The following TMEM132D variants were observed in gnomAD, a reference collection of about 807,000 sequenced individuals.
The protein encoded by TMEM132D is transmembrane protein 132D.
TMEM132D carries 21 observed loss-of-function variants against 62.3 expected under a neutral mutation model. That is an observed-to-expected ratio of 0.34 (90% CI 0.24 to 0.49). The LOEUF is 0.49. Ranked by LOEUF, TMEM132D falls within the 20% of genes least tolerant of loss-of-function variation. The pLI is 0.99. For missense variants in TMEM132D, 1,346 were observed against 1,402.8 expected (o/e 0.96, Z 0.65); for synonymous variants, 621 against 575.6 (o/e 1.08, Z -1.13).
chr12:129,338,464 A>G (rs891824737), intron 3 of TMEM132D, among the ~76,000 whole-genome samples: 1 of 152,192 alleles, frequency 6.6e-6, no homozygotes, highest in African/African-American at 2.4e-5. Flanking sequence ...AAACAAATCC[A>G]CCTAGGACTT....
intron 5 of TMEM132D, among the ~76,000 whole-genome samples, chr12:129,203,322 T>A (rs1417761064): frequency 6.6e-6 from 1 of 152,244 alleles, no homozygotes; most frequent in Non-Finnish European, 1.5e-5. Flanking sequence ...TTCCCTAATT[T>A]GTGAATCATT....
intron 1 of TMEM132D, among the ~76,000 whole-genome samples, chr12:129,891,048 G>A (rs1013482459): frequency 1.3e-5 from 2 of 152,000 alleles, no homozygotes; most frequent in Admixed American, 6.6e-5. Flanking sequence ...TGATAACAGC[G>A]ACGCCCAAAC....
intron 3 of TMEM132D, among the ~76,000 whole-genome samples, chr12:129,484,840 A>G (rs1361088339): frequency 6.6e-6 from 1 of 152,248 alleles, no homozygotes; most frequent in East Asian, 1.9e-4. Context: ...AGAATTCAAA[A>G]CATTAAGAAT....
At chr12:129,808,593 A>C (rs1049237457) in intron 1 of TMEM132D, among the ~76,000 whole-genome samples, 1 of 152,240 alleles carries the variant, frequency 6.6e-6, no homozygotes, top group Non-Finnish European at 1.5e-5. Context: ...AAACGTATAA[A>C]GCAACAGCTG....
chr12:129,382,490 G>T (rs1396281097), intron 3 of TMEM132D, among the ~76,000 whole-genome samples: 1 of 152,208 alleles, frequency 6.6e-6, no homozygotes, highest in Non-Finnish European at 1.5e-5. Flanking sequence ...TGGCTTTTAG[G>T]TAGGTGGTTT....
At chr12:129,686,981 T>C (rs967111204) in intron 2 of TMEM132D, among the ~76,000 whole-genome samples, 6 of 152,210 alleles carry the variant, frequency 3.9e-5, no homozygotes, top group African/African-American at 1.2e-4. Flanking sequence ...AAAATCTCAC[T>C]GCGCTAGCCT....
At chr12:129,422,395 T>C (rs1872354413) in intron 3 of TMEM132D, among the ~76,000 whole-genome samples, 1 of 152,156 alleles carries the variant, frequency 6.6e-6, no homozygotes, top group African/African-American at 2.4e-5. Context: ...GCAGAGGATG[T>C]CAATGGGCAA....
At chr12:129,308,685 A>G (rs1881899506) in intron 4 of TMEM132D, among the ~76,000 whole-genome samples, 1 of 152,234 alleles carries the variant, frequency 6.6e-6, no homozygotes, top group Admixed American at 6.5e-5. Context: ...CTAAAACACA[A>G]TAAATAGCAC....
At chr12:129,405,748 G>A (rs1871764982) in intron 3 of TMEM132D, among the ~76,000 whole-genome samples, 1 of 152,148 alleles carries the variant, frequency 6.6e-6, no homozygotes, top group Non-Finnish European at 1.5e-5. Flanking sequence ...AGAAGAGATG[G>A]AGGATTTCAT....
rs147374896 is a variant in TMEM132D, at chr12:129,163,939, C to T, written c.1443+45581G>A. ...AAGAGAAACACTGAGATGTCCCAGC[C>T]GGATGGAAGTTGATACCAAATTATT... On this transcript the variant is annotated intron_variant, in intron 5 of 8. Transcript: ENST00000422113. 2.4e-3 allele frequency among the ~76,000 whole-genome samples: 373 copies of T among 152,336 alleles called. 4 individuals carry two copies. Among genetic ancestry groups the T allele is most frequent in the South Asian group, 6.2e-3 (30 of 4,826 alleles).
At chr12:129,742,144 C>A (rs1429396536) in intron 1 of TMEM132D, among the ~76,000 whole-genome samples, 1 of 152,190 alleles carries the variant, frequency 6.6e-6, no homozygotes, top group East Asian at 1.9e-4. Flanking sequence ...TTTTAAGGTT[C>A]AAATACTAAA....
In TMEM132D at chr12:129,195,272, A is replaced by T. The variant is rs1257935934; in HGVS notation, c.1443+14248T>A. Among the ~76,000 whole-genome samples, 11 of 152,068 alleles carry T rather than the reference A, an allele frequency of 7.2e-5. No individual in the cohort carries two copies. In the East Asian group the frequency reaches 2.1e-3, roughly 29 times the overall value. ...GCAGGCACAGGCCTGGGAGGTTCCA[A>T]GAGTCATCAAGAAGCCCAGTGTGGC... On this transcript the variant is annotated intron_variant, in intron 5 of 8. Transcript: ENST00000422113.
chr12:129,796,093 G>A (rs1871553666), intron 1 of TMEM132D, among the ~76,000 whole-genome samples: 1 of 152,086 alleles, frequency 6.6e-6, no homozygotes, highest in African/African-American at 2.4e-5. Context: ...CCAGCACTTT[G>A]GGAGGCTGAG....
At chr12:129,507,257 T>C (rs1875361408) in intron 3 of TMEM132D, among the ~76,000 whole-genome samples, 1 of 152,232 alleles carries the variant, frequency 6.6e-6, no homozygotes, top group South Asian at 2.1e-4. Context: ...TCTACACTGC[T>C]GGTGGGAATG....
intron 1 of TMEM132D, among the ~76,000 whole-genome samples, chr12:129,842,214 C>G (rs969753672): frequency 2.0e-5 from 3 of 149,226 alleles, no homozygotes; most frequent in Non-Finnish European, 4.4e-5. Context: ...TCCCAAAGTG[C>G]TGGGATGACA....
intron 1 of TMEM132D, among the ~76,000 whole-genome samples, chr12:129,784,773 A>T (rs1259842717): frequency 6.6e-6 from 1 of 152,138 alleles, no homozygotes; most frequent in Non-Finnish European, 1.5e-5. Flanking sequence ...GCTCGCCCTG[A>T]AGTGGGGAGT....
In TMEM132D at chr12:129,594,296, G is replaced by A. The variant is rs185817897; in HGVS notation, c.969-63091C>T. On this transcript the variant is annotated intron_variant, in intron 2 of 8. Transcript: ENST00000422113. ...CTTCCACGTGATTTGTACATTTCAG[G>A]TGAGTCAAGAGATTTTCTTGACAGT... Among the ~76,000 whole-genome samples, 245 of 152,244 alleles carry A rather than the reference G, an allele frequency of 1.6e-3. 2 individuals carry two copies. Among genetic ancestry groups the A allele is most frequent in the African/African-American group, 5.6e-3 (233 of 41,532 alleles).
chr12:129,321,646 T>C (rs1004971105), intron 4 of TMEM132D, among the ~76,000 whole-genome samples: 32 of 152,048 alleles, frequency 2.1e-4, no homozygotes, highest in African/African-American at 6.0e-4. Context: ...AAGCTCCACC[T>C]CCCAGGTTCA....
intron 1 of TMEM132D, among the ~76,000 whole-genome samples, chr12:129,843,800 A>G (rs1312218193): frequency 6.6e-6 from 1 of 152,168 alleles, no homozygotes; most frequent in African/African-American, 2.4e-5. Flanking sequence ...ATCAGAACTT[A>G]TCAAATGGCC....
Sources: gnomAD v4.1 joint callset for allele counts (sites outside exome capture counted in the v4.1 genomes callset) on GRCh38, gnomAD v4.1.1 for gene constraint, MANE v1.5 for transcripts, NCBI Gene and HGNC (gene_info 2026-07-23, HGNC 2026-07-21) for gene names.